The following SPTBN2 variants were observed in gnomAD, a reference collection of about 807,000 sequenced individuals.
SPTBN2 encodes the protein spectrin beta chain, non-erythrocytic 2.
Under a neutral mutation model 284.2 loss-of-function variants are expected in SPTBN2, and 107 were observed. The ratio of observed to expected loss-of-function variants is 0.38; its 90% CI spans 0.32 to 0.44. SPTBN2 has a LOEUF of 0.44. SPTBN2 is among the 20% of genes least tolerant of loss of function. The pLI is 1.00. For missense variants in SPTBN2, 2,569 were observed against 3,287.1 expected, an observed-to-expected ratio of 0.78 and a Z score of 5.34; for synonymous variants, 1,289 against 1,354.8, an observed-to-expected ratio of 0.95 and a Z score of 1.07.
In SPTBN2 at chr11:66,687,657, A is replaced by T. The variant is rs763668172; in HGVS notation, c.6502-10T>A. 1 of 1,584,382 alleles carries T rather than the reference A, an allele frequency of 6.3e-7. No individual in the cohort carries two copies. The highest frequency in any genetic ancestry group is 1.4e-5 in the African/African-American group (1 of 73,922). On this transcript the variant is annotated splice_polypyrimidine_tract_variant and intron_variant, in intron 34 of 37. Coordinates refer to ENST00000533211, the MANE Select transcript of SPTBN2 (RefSeq NM_006946.4). The surrounding 1 kb of genome is among the most constrained non-coding windows in gnomAD (Gnocchi z 5.2). ...CCCCTGAGCCAGGTCCCTGGGGGGG[A>T]ATCAGTGTCAGTGTCAAAGGTTGAG...
In SPTBN2 at chr11:66,701,566, C is replaced by T. The variant is rs1392024466; in HGVS notation, c.2816+18G>A. 1 of 1,614,052 alleles carries T rather than the reference C, an allele frequency of 6.2e-7. No homozygotes were observed. Among genetic ancestry groups the T allele is most frequent in the Non-Finnish European group, 8.5e-7 (1 of 1,180,038 alleles). On this transcript the variant is annotated intron_variant, in intron 16 of 37. Transcript: ENST00000533211. ...TCATTTTTCTGTCAGTTTCCTGGTCCTGCCCTCCCAAACCCACCTGTGGTT... is the reference window on the plus strand; with the variant it reads ...TCATTTTTCTGTCAGTTTCCTGGTCTTGCCCTCCCAAACCCACCTGTGGTT...
rs776135148 is a variant in SPTBN2 at position 66,693,248 on chromosome 11, C to A, written c.4792G>T (p.Ala1598Ser). ...LRAQQFYRDA[A>S]EAEAWMGEQE... ...TCGCCCATCCAGGCCTCCGCCTCGGCGGCATCGCGGTAGAACTGCTGGGCT... is the reference window on the plus strand; with the variant it reads ...TCGCCCATCCAGGCCTCCGCCTCGGAGGCATCGCGGTAGAACTGCTGGGCT... The change falls in exon 24 of 38, where the codon GCC becomes TCC. Residue 1598 changes from alanine to serine, a missense_variant. Physicochemically the swap from Ala to Ser is moderately conservative, Grantham distance 99 (BLOSUM62 1). This residue lies in a region of SPTBN2 where 1,130 missense variants were observed against 1,317.3 expected (regional missense o/e 0.86). Coordinates refer to ENST00000533211, the MANE Select transcript of SPTBN2 (RefSeq NM_006946.4). This position sits in a 1 kb window ranked among gnomAD's most constrained non-coding sequence, Gnocchi z 5.7. The A allele has an allele frequency of 6.2e-7, 1 of 1,614,174 alleles. No individual in the cohort carries two copies. The highest frequency in any genetic ancestry group is 1.1e-5 in the South Asian group (1 of 91,092).
chr11:66,740,164 G>A (rs1161575054), intron 1 of SPTBN2, among the ~76,000 whole-genome samples: 2 of 152,196 alleles, frequency 1.3e-5, no homozygotes, highest in East Asian at 1.9e-4. Flanking sequence ...TGCTACTGGT[G>A]GATGAGAAAT....
intron 36 of SPTBN2, 26 bp from the exon 37 acceptor site, chr11:66,686,466 C>T: frequency 1.2e-6 from 2 of 1,613,648 alleles, no homozygotes; most frequent in Non-Finnish European, 1.7e-6. Flanking sequence ...GGCCACAGGG[C>T]AGAGCTGAGA....
At chr11:66,721,608 C>A (rs1942406998) in intron 1 of SPTBN2, among the ~76,000 whole-genome samples, 168 bp from the exon 2 acceptor site, 2 of 152,142 alleles carry the variant, frequency 1.3e-5, no homozygotes, top group Non-Finnish European at 2.9e-5. Context: ...CAGCAGTGTG[C>A]AGCCCAGGGT....
chr11:66,729,010 G>GA lies in SPTBN2; in HGVS notation c.-384_-383insT, dbSNP rs1942741907. On this transcript the variant is annotated 5_prime_UTR_variant, in exon 1 of 38. It removes the in-frame stop codon of an upstream open reading frame in the 5' UTR. Coordinates refer to ENST00000533211, the MANE Select transcript of SPTBN2 (RefSeq NM_006946.4). Reference sequence around the variant, plus strand: ...TCTACAGATCAGATGCTCCAAACAGGCATCTCAGCGCTTCTCAGCTCCTCT... The same window carrying GA: ...TCTACAGATCAGATGCTCCAAACAGGACATCTCAGCGCTTCTCAGCTCCTCT... 1 of 149,744 alleles carries GA rather than the reference G, an allele frequency of 6.7e-6. No homozygotes were observed. Among genetic ancestry groups the GA allele is most frequent in the African/African-American group, 2.5e-5 (1 of 40,512 alleles). 9.3% of individuals were successfully genotyped at this position (149,744 alleles called of 1,614,324 possible).
chr11:66,692,991 A>G lies in SPTBN2; in HGVS notation c.4964T>C (p.Ile1655Thr). The G allele has an allele frequency of 6.2e-7, 1 of 1,608,292 alleles. No homozygotes were observed. The highest frequency in any genetic ancestry group is 1.1e-5 in the South Asian group (1 of 91,060). Residue 1655 changes from isoleucine (I) to threonine (T), a missense_variant, in exon 25 of 38, where the codon ATT (isoleucine) becomes ACT (threonine). By Grantham distance (89) the Ile-to-Thr change is moderately conservative. Coordinates refer to ENST00000533211, the MANE Select transcript of SPTBN2 (RefSeq NM_006946.4). The part of the protein sequence containing the change: ...HQLAASSQDM[I>T]DHEHPESTRI... ...CCACCTCTCTGGGTGCTCGTGGTCA[A>G]TCATGTCCTGGCTGCTGGCCGCCAG...
intron 1 of SPTBN2, among the ~76,000 whole-genome samples, chr11:66,734,732 G>A (rs1476699074): frequency 1.3e-5 from 2 of 152,142 alleles, no homozygotes; most frequent in African/African-American, 2.4e-5. Context: ...TTATTTCACA[G>A]TTGTATCCCC....
At position 66,684,446 on chromosome 11, in the gene SPTBN2, C is replaced by T. The variant is rs890078098; in HGVS notation, c.*1425G>A. ...CCCAGGAATTCGAGACCGACCTGGGCAACATAGTGAGACCCCGTCTCTACA... is the reference window on the plus strand; with the variant it reads ...CCCAGGAATTCGAGACCGACCTGGGTAACATAGTGAGACCCCGTCTCTACA... On this transcript the variant is annotated 3_prime_UTR_variant, in exon 38 of 38. Transcript: ENST00000533211. Among the ~76,000 whole-genome samples the T allele has an allele frequency of 1.1e-4, 16 of 152,050 alleles. No homozygotes were observed. The highest frequency in any genetic ancestry group is 3.9e-4 in the African/African-American group (16 of 41,382).
rs1463323588 is a variant in SPTBN2 at position 66,728,806 on chromosome 11, GAC to G, written c.-181_-180del. On this transcript the variant is annotated 5_prime_UTR_variant, in exon 1 of 38. An upstream open reading frame in the 5' UTR gains an earlier in-frame stop. Coordinates refer to ENST00000533211, the MANE Select transcript of SPTBN2 (RefSeq NM_006946.4). ...CGAGACACGCGATCCTTCCTCTAAT[GAC>G]ACTGCCGACGAGGTTTCCCGAGATC... is the stretch of plus-strand genomic sequence containing the variant. 1.3e-5 allele frequency: 2 copies of G among 151,632 alleles called. No homozygotes were observed. Among genetic ancestry groups the G allele is most frequent in the Non-Finnish European group, 2.9e-5 (2 of 67,942 alleles). 9.4% of individuals were successfully genotyped at this position (151,632 alleles called of 1,614,324 possible).
chr11:66,687,955 G>A lies in SPTBN2; in HGVS notation c.6451-37C>T. ...AGAATCTGTAAAAGGATGTGCGGGG[G>A]TGGAGGGGCTACGACTCCGATGGGG... On this transcript the variant is annotated intron_variant, in intron 33 of 37. Transcript: ENST00000533211. The surrounding 1 kb of genome is among the most constrained non-coding windows in gnomAD (Gnocchi z 5.2). The A allele has an allele frequency of 6.2e-7, 1 of 1,614,212 alleles. No individual in the cohort carries two copies. The highest frequency in any genetic ancestry group is 8.5e-7 in the Non-Finnish European group (1 of 1,180,028).
chr11:66,723,324 C>T (rs142347621), intron 1 of SPTBN2, among the ~76,000 whole-genome samples: 133 of 152,190 alleles, frequency 8.7e-4, no homozygotes, highest in African/African-American at 3.1e-3. Flanking sequence ...TTGCATTTCT[C>T]CTAGCCCTAC....
In SPTBN2 at chr11:66,708,509, G is replaced by A. The variant is rs1277494297; in HGVS notation, c.1192-210C>T. Among the ~76,000 whole-genome samples the A allele has an allele frequency of 2.0e-5, 3 of 152,376 alleles. No individual in the cohort carries two copies. The highest frequency in any genetic ancestry group is 2.4e-5 in the African/African-American group (1 of 41,594). On this transcript the variant is annotated intron_variant, in intron 11 of 37. Coordinates refer to ENST00000533211, the MANE Select transcript of SPTBN2 (RefSeq NM_006946.4). The surrounding 1 kb of genome is among the most constrained non-coding windows in gnomAD (Gnocchi z 4.4). ...TCTGGAAAAGGACTGGAGGGAGCAC[G>A]AACAGTGGAAACCATCTGATTCCTT...
At chr11:66,724,179 G>A (rs561708679) in intron 1 of SPTBN2, among the ~76,000 whole-genome samples, 4 of 152,334 alleles carry the variant, frequency 2.6e-5, no homozygotes, top group African/African-American at 9.6e-5. Context: ...CCAGCACTTT[G>A]GGAGGCCAAG....
Position 66,687,624 on chromosome 11 carries a change from G to T in SPTBN2, c.6525C>A (p.Ala2175=). 2 of 1,601,288 alleles carry T rather than the reference G, an allele frequency of 1.2e-6. No individual in the cohort carries two copies. The highest frequency in any genetic ancestry group is 1.7e-6 in the Non-Finnish European group (2 of 1,173,826). The change falls in exon 35 of 38, where the codon GCC becomes GCA. Residue 2175 remains alanine (A), a synonymous_variant. Coordinates refer to ENST00000533211, the MANE Select transcript of SPTBN2 (RefSeq NM_006946.4). This position sits in a 1 kb window ranked among gnomAD's most constrained non-coding sequence, Gnocchi z 5.2. ...EGPGPGSGDE[A]NGPRGERQTR... ...TCTGCCTCTCTCCCCGGGGCCCATT[G>T]GCTTCGTCCCCTGAGCCAGGTCCCT... is the stretch of plus-strand genomic sequence containing the variant.
At position 66,713,664 on chromosome 11, in the gene SPTBN2, C is replaced by A; in HGVS notation, c.739G>T (p.Glu247Ter). 1 of 1,614,070 alleles carries A rather than the reference C, an allele frequency of 6.2e-7. No individual in the cohort carries two copies. The highest frequency in any genetic ancestry group is 8.5e-7 in the Non-Finnish European group (1 of 1,180,042). ...LQNAFNLAEK[E>*]LGLTKLLDPE... ...TCCAGCAGCTTGGTAAGTCCCAGTTCCTTTTCAGCCAGATTGAATGCATTC... is the reference window on the plus strand; with the variant it reads ...TCCAGCAGCTTGGTAAGTCCCAGTTACTTTTCAGCCAGATTGAATGCATTC... Residue 247 changes from glutamate to a stop codon, truncating the protein, a stop_gained, in exon 8 of 38, where the codon GAA becomes TAA. Transcript: ENST00000533211. LOFTEE classifies it high-confidence loss of function.
chr11:66,731,444 C>T (rs967907458), upstream of SPTBN2, among the ~76,000 whole-genome samples: 2 of 152,196 alleles, frequency 1.3e-5, no homozygotes, highest in Non-Finnish European at 1.5e-5. Context: ...TACCAAGATT[C>T]ATGGAAAGGT....
chr11:66,726,896 A>T (rs1236088599), intron 1 of SPTBN2, among the ~76,000 whole-genome samples: 5 of 152,220 alleles, frequency 3.3e-5, no homozygotes. Flanking sequence ...CAGGGCCTCC[A>T]GGAAGGCAAG....
intron 1 of SPTBN2, among the ~76,000 whole-genome samples, chr11:66,735,980 C>T (rs78748755): frequency 0.029 from 4,409 of 152,202 alleles, 200 homozygotes; most frequent in African/African-American, 0.098. Context: ...TGATAGCTTC[C>T]GAGGACTGAC....
Sources: gnomAD v4.1 joint callset for allele counts (sites outside exome capture counted in the v4.1 genomes callset) on GRCh38, gnomAD v4.1.1 for gene constraint, gnomAD v4.1.1 regional missense constraint, Gnocchi (gnomAD v3.1) non-coding constraint, MANE v1.5 for transcripts, NCBI Gene and HGNC (gene_info 2026-07-23, HGNC 2026-07-21) for gene names.